HROB: variants seen among roughly 807,000 people sequenced by gnomAD.
The protein encoded by HROB is homologous recombination factor with OB-fold, also known as homologous recombination OB-fold protein.
HROB carries 44 observed loss-of-function variants against 61.0 expected under a neutral mutation model. The ratio of observed to expected loss-of-function variants is 0.72; its 90% CI spans 0.57 to 0.93. HROB has a LOEUF of 0.93. Ranked by LOEUF, HROB falls within the 40% of genes least tolerant of loss-of-function variation. The pLI, the probability that HROB is intolerant of heterozygous loss-of-function variation, is 0.00. For synonymous variants in HROB, 301 were observed against 310.4 expected, an observed-to-expected ratio of 0.97 and a Z score of 0.32; for missense variants, 716 against 796.2, an observed-to-expected ratio of 0.90 and a Z score of 1.21.
chr17:44,150,904 A>T, intron 3 of HROB, 57 bp from the exon 4 acceptor site: 1 of 1,379,480 alleles, frequency 7.2e-7, no homozygotes, highest in Non-Finnish European at 1.0e-6. Flanking sequence ...AATAAGCTGT[A>T]CTTGTAAATA....
At chr17:44,143,691 C>T (rs2053527770) in intron 1 of HROB, among the ~76,000 whole-genome samples, 1 of 151,768 alleles carries the variant, frequency 6.6e-6, no homozygotes, top group Non-Finnish European at 1.5e-5. Context: ...GTGGTGCACA[C>T]CTGTAGTCCC....
intron 2 of HROB, among the ~76,000 whole-genome samples, chr17:44,146,576 A>G (rs547639100): frequency 6.6e-6 from 1 of 152,334 alleles, no homozygotes; most frequent in Admixed American, 6.5e-5. Flanking sequence ...ATGGCAGATC[A>G]GTCCCTTCCC....
Position 44,145,212 on chromosome 17 carries a change from T to C in HROB, c.13T>C (p.Leu5=). The C allele has an allele frequency of 6.2e-7, 1 of 1,613,966 alleles. No homozygotes were observed. Reference sequence around the variant, plus strand: ...TTTTTTTTCTTTTCAGGCGTGCAGTTTGCAGAAGCTGTTTGCTGTGGAAGA... The same window carrying C: ...TTTTTTTTCTTTTCAGGCGTGCAGTCTGCAGAAGCTGTTTGCTGTGGAAGA... The part of the protein sequence containing the change: MACS[L]QKLFAVEEEF... Residue 5 remains leucine (L), a synonymous_variant, in exon 2 of 10, where the codon TTG becomes CTG. Coordinates refer to ENST00000585683, the MANE Select transcript of HROB (RefSeq NM_001171251.3).
chr17:44,149,169 A>C (rs2053720170), intron 3 of HROB, 142 bp downstream of exon 3: 2 of 881,820 alleles, frequency 2.3e-6, no homozygotes, highest in Non-Finnish European at 3.4e-6. Context: ...CAGGAGAAAT[A>C]AAAGGGAAGA....
At chr17:44,153,428 C>T (rs541947640) in intron 5 of HROB, among the ~76,000 whole-genome samples, 4 of 151,762 alleles carry the variant, frequency 2.6e-5, no homozygotes, top group Non-Finnish European at 4.4e-5. Context: ...GCCCTCCAGC[C>T]GGGGCAATAG....
chr17:44,142,156 G>C lies in HROB; in HGVS notation c.3+11G>C. The C allele has an allele frequency of 1.3e-6, 2 of 1,522,048 alleles. No individual in the cohort carries two copies. The highest frequency in any genetic ancestry group is 1.8e-6 in the Non-Finnish European group (2 of 1,139,998). 94.3% of individuals were successfully genotyped at this position (1,522,048 alleles called of 1,614,324 possible). On this transcript the variant is annotated intron_variant, in intron 1 of 9. Coordinates refer to ENST00000585683, the MANE Select transcript of HROB (RefSeq NM_001171251.3). Reference sequence around the variant, plus strand: ...CCCGCCGTCGCTATGGTAATGCCGCGCCCAGCTTGGGGGCTGGCGGGCCGC... The same window carrying C: ...CCCGCCGTCGCTATGGTAATGCCGCCCCCAGCTTGGGGGCTGGCGGGCCGC...
At chr17:44,156,465 T>G (rs1353056651) in intron 8 of HROB, among the ~76,000 whole-genome samples, 4 of 152,056 alleles carry the variant, frequency 2.6e-5, no homozygotes, top group Admixed American at 2.6e-4. Context: ...CTCAGGTGAT[T>G]GGCCTGCCTT....
At chr17:44,143,251 T>C (rs2053511088) in intron 1 of HROB, among the ~76,000 whole-genome samples, 1 of 151,862 alleles carries the variant, frequency 6.6e-6, no homozygotes, top group South Asian at 2.1e-4. Flanking sequence ...GGCTGACACC[T>C]ATAATCCCAG....
At chr17:44,153,098 G>T (rs2144009198) in intron 5 of HROB, among the ~76,000 whole-genome samples, 1 of 152,242 alleles carries the variant, frequency 6.6e-6, no homozygotes, top group Middle Eastern at 3.4e-3. Flanking sequence ...CAGTACATGT[G>T]CCAACATATC....
At chr17:44,157,311 T>C (rs1411247948) in intron 8 of HROB, among the ~76,000 whole-genome samples, 1 of 152,122 alleles carries the variant, frequency 6.6e-6, no homozygotes, top group African/African-American at 2.4e-5. Flanking sequence ...TTGTTTTGTT[T>C]ATTATCTGCT....
chr17:44,147,688 G>C, intron 2 of HROB, 170 bp from the exon 3 acceptor site: 1 of 639,138 alleles, frequency 1.6e-6, no homozygotes, highest in South Asian at 2.1e-5. Flanking sequence ...CTCCTACCTT[G>C]GCCTCCCAAA....
rs1405897515 is a variant in HROB, at chr17:44,151,021, G to A, written c.1285G>A (p.Ala429Thr). 1 of 1,613,038 alleles carries A rather than the reference G, an allele frequency of 6.2e-7. No homozygotes were observed. Among genetic ancestry groups the A allele is most frequent in the Non-Finnish European group, 8.5e-7 (1 of 1,179,648 alleles). The change falls in exon 4 of 10, where the codon GCT becomes ACT. Residue 429 changes from alanine to threonine, a missense_variant. By Grantham distance (58) the Ala-to-Thr change is moderately conservative. Coordinates refer to ENST00000585683, the MANE Select transcript of HROB (RefSeq NM_001171251.3). ...VSAPQTPTHGALAKFQTEIVA... is the reference protein window; with the variant it reads ...VSAPQTPTHGTLAKFQTEIVA... ...CGCGCCCCAAACTCCAACCCATGGT[G>A]CTCTGGCTAAATTCCAGACAGAGGT...
At position 44,141,961 on chromosome 17, in the gene HROB, G is replaced by C. The variant is rs998799393; in HGVS notation, c.-182G>C. Reference sequence around the variant, plus strand: ...GGCGTCTTCGAATGCGGCCTAAGGCGCCTGCCGCCAGTCTCCTGGCGACTT... The same window carrying C: ...GGCGTCTTCGAATGCGGCCTAAGGCCCCTGCCGCCAGTCTCCTGGCGACTT... On this transcript the variant is annotated 5_prime_UTR_variant, in exon 1 of 10. Coordinates refer to ENST00000585683, the MANE Select transcript of HROB (RefSeq NM_001171251.3). 13 of 802,002 alleles carry C rather than the reference G, an allele frequency of 1.6e-5. No homozygotes were observed. Among genetic ancestry groups the C allele is most frequent in the African/African-American group, 3.7e-5 (2 of 54,556 alleles). The allele number at this position is 802,002 out of a possible 1,614,324, so 49.7% of individuals were successfully genotyped here. A position where few individuals can be genotyped will look rare whatever the true frequency, so the allele number is the denominator to read the frequency against.
chr17:44,155,773 C>G (rs1028305704), intron 8 of HROB, among the ~76,000 whole-genome samples: 1 of 152,200 alleles, frequency 6.6e-6, no homozygotes, highest in African/African-American at 2.4e-5. Context: ...GTGTGGAGAA[C>G]AGTGAGCTAC....
rs2053667237 is a variant in HROB at position 44,148,072 on chromosome 17, A to G, written c.269A>G (p.Asp90Gly). The change falls in exon 3 of 10, where the codon GAC (aspartate) becomes GGC (glycine). Residue 90 changes from aspartate to glycine, a missense_variant. Physicochemically the swap from Asp to Gly is moderately conservative, Grantham distance 94. Coordinates refer to ENST00000585683, the MANE Select transcript of HROB (RefSeq NM_001171251.3). ...CLPASSTPSA[D>G]SRPSCIGAAP... ...CCTGCCTCCAGCACGCCCAGTGCTG[A>G]CAGCCGTCCATCATGCATAGGAGCA... The G allele has an allele frequency of 6.2e-7, 1 of 1,614,180 alleles. No homozygotes were observed. The highest frequency in any genetic ancestry group is 8.5e-7 in the Non-Finnish European group (1 of 1,180,034).
intron 3 of HROB, among the ~76,000 whole-genome samples, chr17:44,149,649 C>T (rs1056093528): frequency 6.6e-6 from 1 of 152,214 alleles, no homozygotes; most frequent in Non-Finnish European, 1.5e-5. Context: ...AAGCCATTCT[C>T]CCGCCTTAGC....
chr17:44,149,164 G>T, intron 3 of HROB, 137 bp downstream of exon 3: 1 of 911,260 alleles, frequency 1.1e-6, no homozygotes, highest in East Asian at 2.7e-5. Context: ...AGCTGCAGGA[G>T]AAATAAAAGG....
Position 44,154,847 on chromosome 17 carries a change from T to C in HROB, c.1559-6T>C. 1 of 1,613,936 alleles carries C rather than the reference T, an allele frequency of 6.2e-7. No homozygotes were observed. ...CCGAGACTGATGGGCCATGTGGTAT[T>C]TGCAGGAGAGATGCAGGGGACGGTG... is the stretch of plus-strand genomic sequence containing the variant. On this transcript the variant is annotated splice_region_variant and splice_polypyrimidine_tract_variant and intron_variant, in intron 6 of 9. Transcript: ENST00000585683.
At chr17:44,161,541 C>T (rs746304074) in intron 9 of HROB, among the ~76,000 whole-genome samples, 1 of 152,186 alleles carries the variant, frequency 6.6e-6, no homozygotes, top group African/African-American at 2.4e-5. Flanking sequence ...ATGAGAGTTG[C>T]ACTAGGTGAC....
Sources: allele counts gnomAD v4.1 joint callset (sites outside exome capture counted in the v4.1 genomes callset), GRCh38; gene constraint gnomAD v4.1.1; transcripts MANE v1.5; gene names NCBI Gene and HGNC (gene_info 2026-07-23, HGNC 2026-07-21).